Variants in MGRN1 observed in about 807,000 individuals in gnomAD.
MGRN1 encodes the protein mahogunin ring finger 1.
A neutral mutation model predicts 69.2 loss-of-function variants in MGRN1; 29 were observed. That is an observed-to-expected ratio of 0.42 (90% CI 0.31 to 0.57). The LOEUF is 0.57. Ranked by LOEUF, MGRN1 falls within the 20% of genes least tolerant of loss-of-function variation. The pLI, the probability that MGRN1 is intolerant of heterozygous loss-of-function variation, is 0.15. For missense variants in MGRN1, 998 were observed against 796.2 expected, an observed-to-expected ratio of 1.25 and a Z score of -3.05; for synonymous variants, 470 against 344.2, an observed-to-expected ratio of 1.37 and a Z score of -4.04.
At chr16:4,646,958 C>T (rs1375108796) in intron 1 of MGRN1, among the ~76,000 whole-genome samples, 2 of 152,218 alleles carry the variant, frequency 1.3e-5, no homozygotes, top group Non-Finnish European at 2.9e-5. Flanking sequence ...AGTGTCCCTC[C>T]AGACCAAGGC....
At chr16:4,637,983 T>G (rs975731572) in intron 1 of MGRN1, among the ~76,000 whole-genome samples, 1 of 152,210 alleles carries the variant, frequency 6.6e-6, no homozygotes, top group African/African-American at 2.4e-5. Context: ...TCAGAGTTGT[T>G]CTCAGCTTTG....
intron 6 of MGRN1, 140 bp downstream of exon 6, chr16:4,664,915 G>A (rs528520807): frequency 6.3e-6 from 8 of 1,279,652 alleles, no homozygotes; most frequent in Non-Finnish European, 8.9e-6. Flanking sequence ...GGTGTGAGCA[G>A]CTTGGAGTCC....
intron 8 of MGRN1, 93 bp from the exon 9 acceptor site, chr16:4,671,298 G>A: frequency 8.1e-7 from 1 of 1,234,670 alleles, no homozygotes; most frequent in South Asian, 1.2e-5. Context: ...ATGGAAGCCT[G>A]GTAAGTTGGA....
intron 16 of MGRN1, among the ~76,000 whole-genome samples, chr16:4,684,288 G>A (rs888983838): frequency 3.3e-5 from 5 of 152,212 alleles, no homozygotes; most frequent in Non-Finnish European, 5.9e-5. Flanking sequence ...GGGCAGATCC[G>A]GCCCCACTGG....
rs750955430 is a variant in MGRN1 at position 4,688,567 on chromosome 16, C to T, written c.1619-229C>T. 7.3e-5 allele frequency: 94 copies of T among 1,287,546 alleles called. No homozygotes were observed. The East Asian group carries it at 8.0e-4, about 11-fold the overall frequency. 79.8% of individuals were successfully genotyped at this position (1,287,546 alleles called of 1,614,324 possible). ...GGGCTGCAGATCTGCTGTGGGTGTC[C>T]GGGGATCTGGGATCGTCTGTCCCAA... On this transcript the variant is annotated intron_variant, in intron 16 of 16. Coordinates refer to ENST00000262370, the MANE Select transcript of MGRN1 (RefSeq NM_015246.4).
At chr16:4,677,416 G>T (rs2141963801) in intron 10 of MGRN1, 47 bp from the exon 11 acceptor site, 9 of 1,455,564 alleles carry the variant, frequency 6.2e-6, no homozygotes, top group Non-Finnish European at 8.2e-6. Flanking sequence ...TCCCCTCGGG[G>T]CTGGGTGTGT....
chr16:4,661,811 C>G (rs141549109), intron 5 of MGRN1, among the ~76,000 whole-genome samples: 75 of 152,360 alleles, frequency 4.9e-4, no homozygotes, highest in African/African-American at 1.7e-3. Context: ...TCCGTGTGGA[C>G]TTGGTCTCCA....
intron 1 of MGRN1, among the ~76,000 whole-genome samples, chr16:4,641,173 C>T (rs2078147976): frequency 6.6e-6 from 1 of 152,228 alleles, no homozygotes; most frequent in African/African-American, 2.4e-5. Context: ...GTACACAGCT[C>T]ATGCACGCAC....
At chr16:4,688,048 C>T (rs1596323859) in intron 16 of MGRN1, 2 of 985,536 alleles carry the variant, frequency 2.0e-6, no homozygotes, top group Non-Finnish European at 2.4e-6. Flanking sequence ...GAACAGGGCT[C>T]ACAGCCTCGG....
chr16:4,650,368 A>G lies in MGRN1; in HGVS notation c.92A>G (p.Asn31Ser). Residue 31 changes from asparagine (N) to serine (S), a missense_variant, in exon 2 of 17, where the codon AAC becomes AGC. Transcript: ENST00000262370. ...TCGTGTTTCCTTTTTTAAACAGGAA[A>G]CTACTTTGCTTCGCACTTTTTCATG... ...SAYRYPPKSG[N>S]YFASHFFMGG... 6.2e-7 allele frequency: 1 copy of G among 1,603,174 alleles called. No individual in the cohort carries two copies. Among genetic ancestry groups the G allele is most frequent in the Non-Finnish European group, 8.5e-7 (1 of 1,176,506 alleles).
chr16:4,648,086 A>G (rs1445179572), intron 1 of MGRN1, among the ~76,000 whole-genome samples: 2 of 152,078 alleles, frequency 1.3e-5, no homozygotes, highest in East Asian at 3.9e-4. Context: ...CTCAGGTGGG[A>G]ATTCTGAGAA....
chr16:4,680,591 A>T (rs949675322), intron 12 of MGRN1: 1 of 159,560 alleles, frequency 6.3e-6, no homozygotes, highest in Non-Finnish European at 1.4e-5. Flanking sequence ...TGGCCCAGGC[A>T]GACCCAGCCG....
intron 12 of MGRN1, chr16:4,681,329 C>A (rs2079178156): frequency 1.8e-6 from 1 of 560,940 alleles, no homozygotes; most frequent in Non-Finnish European, 3.1e-6. Flanking sequence ...TGCCCGTCAT[C>A]CCAGGCACCA....
intron 7 of MGRN1, among the ~76,000 whole-genome samples, chr16:4,667,751 C>T (rs987552909): frequency 4.6e-5 from 7 of 152,220 alleles, no homozygotes; most frequent in South Asian, 2.1e-4. Context: ...TGGATACCGC[C>T]GGGTGTGCTT....
intron 9 of MGRN1, 124 bp from the exon 10 acceptor site, chr16:4,673,374 A>G (rs1264484601): frequency 2.3e-6 from 3 of 1,302,746 alleles, no homozygotes; most frequent in Non-Finnish European, 3.2e-6. Context: ...TCCCCTCTGG[A>G]CTTCTCTTTG....
chr16:4,637,003 C>T (rs1898330126), intron 1 of MGRN1, among the ~76,000 whole-genome samples: 1 of 151,220 alleles, frequency 6.6e-6, no homozygotes, highest in South Asian at 2.1e-4. Flanking sequence ...CCTGTAGTCC[C>T]AGCTACTTGG....
Position 4,687,437 on chromosome 16 carries a change from C to T in MGRN1, c.1619-1359C>T, listed in dbSNP as rs1009697315. ...GCTTGTGCCTGTGGTCCCAGCTACT[C>T]AGGGGTGCTGAGGTGGGAGGATTGC... On this transcript the variant is annotated intron_variant, in intron 16 of 16. Transcript: ENST00000262370. 4.9e-5 allele frequency: 45 copies of T among 913,528 alleles called. No homozygotes were observed. In the African/African-American group the frequency reaches 7.8e-4, roughly 16 times the overall value. 56.6% of individuals were successfully genotyped at this position (913,528 alleles called of 1,614,324 possible). A position where few individuals can be genotyped will look rare whatever the true frequency, so the allele number is the denominator to read the frequency against.
intron 1 of MGRN1, among the ~76,000 whole-genome samples, chr16:4,632,980 G>T (rs1020411189): frequency 6.6e-6 from 1 of 152,162 alleles, no homozygotes; most frequent in Non-Finnish European, 1.5e-5. Flanking sequence ...CTACCTGGTG[G>T]GCTGAGGTGG....
At chr16:4,671,124 AG>A (rs1234802057) in intron 8 of MGRN1, among the ~76,000 whole-genome samples, 1 of 146,924 alleles carries the variant, frequency 6.8e-6, no homozygotes, top group African/African-American at 2.6e-5. Flanking sequence ...TGAGGCGGTC[AG>A]GGGGTGGTGG....
Sources: allele counts gnomAD v4.1 joint callset (sites outside exome capture counted in the v4.1 genomes callset), GRCh38; gene constraint gnomAD v4.1.1; transcripts MANE v1.5; gene names NCBI Gene and HGNC (gene_info 2026-07-23, HGNC 2026-07-21).